RAB3GAP2: variants seen among roughly 807,000 people sequenced by gnomAD.
RAB3GAP2 encodes the protein RAB3 GTPase activating non-catalytic protein subunit 2.
A neutral mutation model predicts 185.3 loss-of-function variants in RAB3GAP2; 87 were observed. The observed-to-expected ratio is 0.47, with a 90% CI of 0.39 to 0.56. The LOEUF (loss-of-function observed/expected upper bound fraction) is 0.56. Among genes scored for constraint, RAB3GAP2 ranks in the 20% least tolerant of loss-of-function variants. The pLI is 0.00. For missense variants in RAB3GAP2, 1,492 were observed against 1,638.2 expected (o/e 0.91, Z 1.54); for synonymous variants, 554 against 576.1 (o/e 0.96, Z 0.55).
In RAB3GAP2 at chr1:220,168,238, G is replaced by A. The variant is rs138526191; in HGVS notation, c.2807-563C>T. On this transcript the variant is annotated intron_variant, in intron 24 of 34. Transcript: ENST00000358951. ...CTCCCGAGCAACTGAGATTACAGGC[G>A]CCCACCACACCCAGGTAATTTTTTT... Among the ~76,000 whole-genome samples the A allele has an allele frequency of 1.8e-3, 279 of 151,792 alleles. 1 individual carries two copies. The highest frequency in any genetic ancestry group is 5.9e-3 in the African/African-American group (246 of 41,406).
At position 220,210,995 on chromosome 1, in the gene RAB3GAP2, C is replaced by A; in HGVS notation, c.394G>T (p.Val132Leu). 6.2e-7 allele frequency: 1 copy of A among 1,613,534 alleles called. No individual in the cohort carries two copies. Among genetic ancestry groups the A allele is most frequent in the Non-Finnish European group, 8.5e-7 (1 of 1,179,840 alleles). ...GSLNVEEGECVTSALCIPLAS... is the reference protein window; with the variant it reads ...GSLNVEEGECLTSALCIPLAS... ...AGTGGGATACATAGAGCACTGGTTA[C>A]ACATTCCCTAAAAACAAAAACAAAA... Residue 132 changes from valine to leucine, a missense_variant, in exon 5 of 35, where the codon GTA becomes TTA. Val to Leu is a conservative substitution (Grantham distance 32). Transcript: ENST00000358951.
chr1:220,209,148 T>C (rs751551359), intron 7 of RAB3GAP2, among the ~76,000 whole-genome samples: 5 of 152,238 alleles, frequency 3.3e-5, no homozygotes, highest in Non-Finnish European at 5.9e-5. Context: ...TTCCAGTTTA[T>C]CCTGAAGAAA....
At chr1:220,225,403 C>A (rs893650546) in intron 2 of RAB3GAP2, among the ~76,000 whole-genome samples, 1 of 152,108 alleles carries the variant, frequency 6.6e-6, no homozygotes, top group African/African-American at 2.4e-5. Context: ...ACATTAAGAG[C>A]CATGGGCTAA....
At chr1:220,170,802 T>C (rs996166783) in intron 24 of RAB3GAP2, 90 bp downstream of exon 24, 81 of 1,068,750 alleles carry the variant, frequency 7.6e-5, no homozygotes, top group Non-Finnish European at 1.1e-4. Flanking sequence ...AGTGTATTTT[T>C]CTTTCTCTAT....
intron 2 of RAB3GAP2, among the ~76,000 whole-genome samples, chr1:220,225,504 T>C (rs1022567756): frequency 1.4e-4 from 21 of 152,168 alleles, no homozygotes; most frequent in Admixed American, 8.5e-4. Context: ...AGCAGAATTA[T>C]TGGCCTCTAC....
intron 1 of RAB3GAP2, among the ~76,000 whole-genome samples, chr1:220,233,384 T>C (rs924193748): frequency 1.3e-5 from 2 of 152,220 alleles, no homozygotes; most frequent in South Asian, 4.1e-4. Flanking sequence ...TTCTGTGATT[T>C]CTTATATGTT....
intron 2 of RAB3GAP2, among the ~76,000 whole-genome samples, chr1:220,214,782 A>C (rs1308678906): frequency 6.6e-6 from 1 of 151,502 alleles, no homozygotes; most frequent in Non-Finnish European, 1.5e-5. Flanking sequence ...AAAATTCAAC[A>C]GCTATAAAAA....
At chr1:220,203,696 T>C (rs1392967652) in intron 8 of RAB3GAP2, among the ~76,000 whole-genome samples, 1 of 152,192 alleles carries the variant, frequency 6.6e-6, no homozygotes, top group East Asian at 1.9e-4. Flanking sequence ...TTGGCATATA[T>C]ATTAATGGTG....
intron 1 of RAB3GAP2, among the ~76,000 whole-genome samples, chr1:220,235,061 T>C (rs1405954478): frequency 2.6e-5 from 4 of 152,266 alleles, no homozygotes; most frequent in Non-Finnish European, 4.4e-5. Flanking sequence ...ACAGTGTGAG[T>C]TCAGGTCTGA....
intron 2 of RAB3GAP2, among the ~76,000 whole-genome samples, chr1:220,217,330 G>A (rs1243607981): frequency 6.6e-6 from 1 of 152,016 alleles, no homozygotes; most frequent in East Asian, 1.9e-4. Flanking sequence ...TCTTTGAGTC[G>A]ATTTACAGCT....
In RAB3GAP2 at chr1:220,182,925, C is replaced by A; in HGVS notation, c.2005G>T (p.Ala669Ser). The part of the protein sequence containing the change: ...LDTPFSDNDL[A>S]LLLRLDEKEL... ...TTTTCATCAAGCCTTAGTAACAGAGCCAAGTCCTTTAAAACAGAAAACAAA... is the reference window on the plus strand; with the variant it reads ...TTTTCATCAAGCCTTAGTAACAGAGACAAGTCCTTTAAAACAGAAAACAAA... Residue 669 changes from alanine (A) to serine (S), a missense_variant, in exon 20 of 35, where the codon GCT becomes TCT. Ala to Ser is a moderately conservative substitution (Grantham distance 99, BLOSUM62 1). Coordinates refer to ENST00000358951, the MANE Select transcript of RAB3GAP2 (RefSeq NM_012414.4). 1 of 1,610,350 alleles carries A rather than the reference C, an allele frequency of 6.2e-7. No homozygotes were observed. The highest frequency in any genetic ancestry group is 1.7e-4 in the Middle Eastern group (1 of 6,018).
chr1:220,206,445 AATG>A (rs1658968076), intron 7 of RAB3GAP2, among the ~76,000 whole-genome samples: 1 of 152,202 alleles, frequency 6.6e-6, no homozygotes, highest in Non-Finnish European at 1.5e-5. Context: ...ATAGTATGTC[AATG>A]ATATTTTTCC....
rs761370295 is a variant in RAB3GAP2 at position 220,153,435 on chromosome 1, T to C, written c.3646-29A>G. 29 of 1,578,062 alleles carry C rather than the reference T, an allele frequency of 1.8e-5. No homozygotes were observed. In the Middle Eastern group the frequency reaches 6.7e-4, roughly 36 times the overall value. On this transcript the variant is annotated intron_variant, in intron 32 of 34. Transcript: ENST00000358951. Reference sequence around the variant, plus strand: ...GAAAATGGAGAAAGAGATAGAGCAATGCATTGTTACTGTTTCATTTTAAAA... The same window carrying C: ...GAAAATGGAGAAAGAGATAGAGCAACGCATTGTTACTGTTTCATTTTAAAA...
At chr1:220,221,462 T>C (rs1659305898) in intron 2 of RAB3GAP2, among the ~76,000 whole-genome samples, 1 of 152,226 alleles carries the variant, frequency 6.6e-6, no homozygotes. Context: ...TCTGTTCCTC[T>C]TTCTGACACT....
chr1:220,214,970 A>ATATATATATATATATATATATATT (rs1659161983), intron 2 of RAB3GAP2, among the ~76,000 whole-genome samples: 1 of 139,502 alleles, frequency 7.2e-6, no homozygotes, highest in South Asian at 2.2e-4. Context: ...ATATATATAT[A>ATATATATATATATATATATATATT]TATATACTTC....
chr1:220,259,716 T>C (rs1420435916), intron 1 of RAB3GAP2, among the ~76,000 whole-genome samples: 1 of 152,060 alleles, frequency 6.6e-6, no homozygotes, highest in African/African-American at 2.4e-5. Flanking sequence ...CAAAAGCAAT[T>C]GCAACAAAAG....
chr1:220,157,460 A>G lies in RAB3GAP2; in HGVS notation c.3365T>C (p.Val1122Ala). ...CGCATCCTCAGTATCCAGCACAGGC[A>G]CCTGTATTTCATCCCTGCTAACATC... ...EADVSRDEIQVPVLDTEDAWL... is the reference protein window; with the variant it reads ...EADVSRDEIQAPVLDTEDAWL... Residue 1122 changes from valine to alanine, a missense_variant, in exon 31 of 35, where the codon GTG becomes GCG. Val to Ala is a moderately conservative substitution (Grantham distance 64). This residue lies in a region of RAB3GAP2 where 387 missense variants were observed against 455.3 expected (regional missense o/e 0.85). Transcript: ENST00000358951. The G allele has an allele frequency of 6.2e-7, 1 of 1,613,670 alleles. No individual in the cohort carries two copies. Among genetic ancestry groups the G allele is most frequent in the Non-Finnish European group, 8.5e-7 (1 of 1,180,008 alleles).
At chr1:220,236,140 G>T (rs957748527) in intron 1 of RAB3GAP2, among the ~76,000 whole-genome samples, 3 of 152,106 alleles carry the variant, frequency 2.0e-5, no homozygotes, top group African/African-American at 7.2e-5. Flanking sequence ...GAAATGTTTT[G>T]CCAGTGGGGC....
intron 9 of RAB3GAP2, 116 bp downstream of exon 9, chr1:220,202,160 A>T (rs1658873738): frequency 1.7e-6 from 2 of 1,150,850 alleles, no homozygotes; most frequent in South Asian, 3.5e-5. Context: ...GCAAAGCTCC[A>T]TCTTAAAAAA....
Sources: allele counts gnomAD v4.1 joint callset (sites outside exome capture counted in the v4.1 genomes callset), GRCh38; gene constraint gnomAD v4.1.1; regional missense constraint gnomAD v4.1.1; transcripts MANE v1.5; gene names NCBI Gene and HGNC (gene_info 2026-07-23, HGNC 2026-07-21).